Variants in DST observed in about 807,000 individuals in gnomAD.
DST encodes dystonin.
A neutral mutation model predicts 875.2 loss-of-function variants in DST; 253 were observed. The ratio of observed to expected loss-of-function variants is 0.29; its 90% confidence interval spans 0.26 to 0.32. DST has a LOEUF of 0.32. Ranked by LOEUF, DST falls within the 10% of genes least tolerant of loss-of-function variation. DST has a pLI of 1.00. For synonymous variants in DST, 3,124 were observed against 3,197.1 expected (o/e 0.98, Z 0.77); for missense variants, 8,287 against 9,111.6 (o/e 0.91, Z 3.68).
chr6:56,615,774 A>C (rs868475338), intron 36 of DST: 1 of 1,613,954 alleles, frequency 6.2e-7, no homozygotes, highest in Non-Finnish European at 8.5e-7. Flanking sequence ...GGCTCTATCA[A>C]CCCTCCTGTC....
At chr6:56,616,878 T>C in intron 36 of DST, 1 of 1,614,032 alleles carries the variant, frequency 6.2e-7, no homozygotes, top group Non-Finnish European at 8.5e-7. Flanking sequence ...ACAACTCCTT[T>C]AAGAACTGCA....
intron 2 of DST, among the ~76,000 whole-genome samples, chr6:56,908,900 G>A (rs2127712653): frequency 6.6e-6 from 1 of 152,350 alleles, no homozygotes; most frequent in Non-Finnish European, 1.5e-5. Context: ...AAAGGGGGAT[G>A]CATGAATAAT....
chr6:56,670,969 G>T (rs1211206672), intron 9 of DST, among the ~76,000 whole-genome samples, 162 bp from the exon 10 acceptor site: 1 of 152,194 alleles, frequency 6.6e-6, no homozygotes, highest in African/African-American at 2.4e-5. Context: ...CATGTGTACA[G>T]CACTTAAGAG....
chr6:56,882,087 A>G (rs575013949), intron 3 of DST, among the ~76,000 whole-genome samples: 6 of 152,318 alleles, frequency 3.9e-5, no homozygotes, highest in Admixed American at 3.9e-4. Context: ...ATAATGTTTA[A>G]CCTTCTTGAA....
Position 56,748,500 on chromosome 6 carries a change from C to T in DST, c.626-13211G>A, listed in dbSNP as rs570690655. On this transcript the variant is annotated intron_variant, in intron 4 of 103. Transcript: ENST00000680361. Reference sequence around the variant, plus strand: ...ACAGTATTCTTATAAGCACTAAATACGATAATAGAGTATAATTAAGATTAT... The same window carrying T: ...ACAGTATTCTTATAAGCACTAAATATGATAATAGAGTATAATTAAGATTAT... Among the ~76,000 whole-genome samples, 61 of 152,222 alleles carry T rather than the reference C, an allele frequency of 4.0e-4. No individual in the cohort carries two copies. In the South Asian group the frequency reaches 5.0e-3, roughly 12 times the overall value.
intron 71 of DST, 107 bp downstream of exon 71, chr6:56,517,091 C>T (rs1445453386): frequency 2.5e-6 from 2 of 805,160 alleles, no homozygotes; most frequent in South Asian, 1.5e-5. Flanking sequence ...ATTTTTGCTG[C>T]TTAAATGGCA....
At chr6:56,946,734 C>G (rs1378482588) in intron 2 of DST, among the ~76,000 whole-genome samples, 1 of 152,066 alleles carries the variant, frequency 6.6e-6, no homozygotes, top group Non-Finnish European at 1.5e-5. Flanking sequence ...AATTGTGAGT[C>G]AGGAGATAAA....
At chr6:56,784,107 T>A (rs1424343268) in intron 4 of DST, among the ~76,000 whole-genome samples, 2 of 152,258 alleles carry the variant, frequency 1.3e-5, no homozygotes, top group African/African-American at 4.8e-5. Flanking sequence ...GTTAGTCTGA[T>A]GAGCTTCCCT....
chr6:56,609,010 A>G lies in DST; in HGVS notation c.5618T>C (p.Leu1873Pro), dbSNP rs1160467524. Residue 1873 changes from leucine to proline, a missense_variant, in exon 40 of 104, where the codon CTT (leucine) becomes CCT (proline). Coordinates refer to ENST00000680361, the MANE Select transcript of DST (RefSeq NM_001374736.1). ...MITESMAIKVLEILLSTGSLV... is the reference protein window; with the variant it reads ...MITESMAIKVPEILLSTGSLV... ...AGAGCCTGTAGAAAGCAGTATCTCAAGAACTTTGATGGCCATGGATTCTGT... is the reference window on the plus strand; with the variant it reads ...AGAGCCTGTAGAAAGCAGTATCTCAGGAACTTTGATGGCCATGGATTCTGT... 1.2e-6 allele frequency: 2 copies of G among 1,613,896 alleles called. No individual in the cohort carries two copies. Among genetic ancestry groups the G allele is most frequent in the Non-Finnish European group, 8.5e-7 (1 of 1,179,806 alleles).
intron 3 of DST, among the ~76,000 whole-genome samples, chr6:56,854,526 G>A (rs755913160): frequency 6.6e-6 from 1 of 152,132 alleles, no homozygotes; most frequent in Non-Finnish European, 1.5e-5. Context: ...TCTACACTTA[G>A]TAAAGAAGAA....
chr6:56,724,366 T>G (rs1164779484), intron 5 of DST, among the ~76,000 whole-genome samples: 1 of 152,244 alleles, frequency 6.6e-6, no homozygotes, highest in Non-Finnish European at 1.5e-5. Flanking sequence ...AAGAAATGTT[T>G]ACACTATTCT....
intron 4 of DST, among the ~76,000 whole-genome samples, chr6:56,750,437 T>C (rs1457829970): frequency 1.3e-5 from 2 of 152,182 alleles, no homozygotes; most frequent in African/African-American, 2.4e-5. Context: ...ACTGGACACC[T>C]TTCTGAGATC....
intron 19 of DST, 50 bp from the exon 20 acceptor site, chr6:56,639,823 C>G: frequency 1.3e-6 from 2 of 1,590,652 alleles, no homozygotes; most frequent in Non-Finnish European, 1.7e-6. Flanking sequence ...TGAAGGAATT[C>G]TGACTCACAC....
intron 9 of DST, 133 bp downstream of exon 9, chr6:56,699,520 C>A (rs1225699335): frequency 3.1e-5 from 17 of 553,692 alleles, no homozygotes; most frequent in Non-Finnish European, 4.4e-5. Context: ...AAGAACAATT[C>A]AAATATATTA....
At chr6:56,757,422 A>T (rs2099606828) in intron 4 of DST, among the ~76,000 whole-genome samples, 1 of 152,216 alleles carries the variant, frequency 6.6e-6, no homozygotes, top group Non-Finnish European at 1.5e-5. Flanking sequence ...GTGTGGCCCA[A>T]GTTCTGGCAA....
chr6:56,560,481 A>C, intron 57 of DST, 58 bp from the exon 58 acceptor site: 1 of 1,486,404 alleles, frequency 6.7e-7, no homozygotes, highest in Non-Finnish European at 9.1e-7. Flanking sequence ...AAATACAATA[A>C]TGATAGAGCA....
chr6:56,507,675 T>C (rs1319885242), intron 75 of DST, among the ~76,000 whole-genome samples: 2 of 152,138 alleles, frequency 1.3e-5, no homozygotes, highest in East Asian at 3.9e-4. Context: ...ACAGTTTGTT[T>C]TGGGAAACGC....
intron 13 of DST, among the ~76,000 whole-genome samples, chr6:56,647,412 AT>A (rs1010833494): frequency 1.4e-4 from 21 of 152,202 alleles, no homozygotes; most frequent in Admixed American, 6.6e-5. Flanking sequence ...CCCCGTGGCA[AT>A]GAGAATGAAA....
chr6:56,846,742 G>A (rs369663354), intron 4 of DST, among the ~76,000 whole-genome samples: 5 of 151,400 alleles, frequency 3.3e-5, no homozygotes, highest in African/African-American at 7.3e-5. Flanking sequence ...AGTGGCTCAC[G>A]CCTGTAATAC....
Sources: allele counts gnomAD v4.1 joint callset (sites outside exome capture counted in the v4.1 genomes callset), GRCh38; gene constraint gnomAD v4.1.1; transcripts MANE v1.5; gene names NCBI Gene and HGNC (gene_info 2026-07-23, HGNC 2026-07-21).